Variants in STAG1 observed in about 807,000 individuals in gnomAD.
STAG1 encodes STAG1 cohesin complex component.
A neutral mutation model predicts 170.9 loss-of-function variants in STAG1; 26 were observed. The ratio of observed to expected loss-of-function variants is 0.15; its 90% confidence interval spans 0.11 to 0.21. The LOEUF (loss-of-function observed/expected upper bound fraction) is 0.21. Ranked by LOEUF, STAG1 falls within the 10% of genes least tolerant of loss-of-function variation. The pLI, the probability that STAG1 is intolerant of heterozygous loss-of-function variation, is 1.00. For synonymous variants in STAG1, 514 were observed against 497.7 expected (o/e 1.03, Z -0.44); for missense variants, 964 against 1,509.5 (o/e 0.64, Z 5.99).
chr3:136,478,976 A>G (rs575998081), intron 9 of STAG1, among the ~76,000 whole-genome samples: 1 of 151,982 alleles, frequency 6.6e-6, no homozygotes, highest in African/African-American at 2.4e-5. Flanking sequence ...TATGAGAATA[A>G]AATCACTTAA....
At chr3:136,698,020 G>GA (rs1367794691) in intron 1 of STAG1, among the ~76,000 whole-genome samples, 44 of 144,802 alleles carry the variant, frequency 3.0e-4, no homozygotes, top group Non-Finnish European at 2.7e-4. Flanking sequence ...TACGTCTTGG[G>GA]AAAAAAAAAA....
intron 1 of STAG1, among the ~76,000 whole-genome samples, chr3:136,738,839 T>C (rs998268172): frequency 6.6e-6 from 1 of 152,170 alleles, no homozygotes; most frequent in South Asian, 2.1e-4. Context: ...ATATATTAAT[T>C]AATTAGCATG....
In STAG1 at chr3:136,739,040, A is replaced by C. The variant is rs117976968; in HGVS notation, c.-84+13155T>G. Among the ~76,000 whole-genome samples the C allele has an allele frequency of 1.7e-3, 261 of 152,348 alleles. 2 individuals carry two copies. The East Asian group carries it at 0.043, about 25-fold the overall frequency. ...CAAGATAATTATTACATAATGGAAT[A>C]GGGAAGAAAATCAAATCTCCCTAAA... On this transcript the variant is annotated intron_variant, in intron 1 of 33. Transcript: ENST00000383202.
intron 9 of STAG1, among the ~76,000 whole-genome samples, chr3:136,495,885 C>T (rs1423329060): frequency 3.4e-5 from 5 of 148,378 alleles, no homozygotes; most frequent in East Asian, 2.0e-4. Context: ...AGGAGAATGG[C>T]GTGAACCTGG....
intron 12 of STAG1, among the ~76,000 whole-genome samples, chr3:136,471,500 A>C (rs2089627614): frequency 6.6e-6 from 1 of 152,190 alleles, no homozygotes; most frequent in South Asian, 2.1e-4. Context: ...ACAATAATAA[A>C]GAGCATGGTG....
chr3:136,472,130 C>G (rs1268613166), intron 12 of STAG1, among the ~76,000 whole-genome samples: 1 of 152,110 alleles, frequency 6.6e-6, no homozygotes, highest in Non-Finnish European at 1.5e-5. Context: ...AGCCAACATA[C>G]TGGGCCTGCT....
chr3:136,477,931 A>T (rs2089796461), intron 9 of STAG1, among the ~76,000 whole-genome samples: 1 of 152,156 alleles, frequency 6.6e-6, no homozygotes, highest in African/African-American at 2.4e-5. Flanking sequence ...CTGAGACTAC[A>T]GGTGCAAGCC....
intron 6 of STAG1, among the ~76,000 whole-genome samples, chr3:136,524,161 A>T (rs2107912614): frequency 6.6e-6 from 1 of 152,270 alleles, no homozygotes; most frequent in South Asian, 2.1e-4. Context: ...TGGGGATGGC[A>T]TTCAATCTAT....
At chr3:136,414,286 C>T (rs2087711621) in intron 21 of STAG1, among the ~76,000 whole-genome samples, 1 of 152,234 alleles carries the variant, frequency 6.6e-6, no homozygotes, top group African/African-American at 2.4e-5. Flanking sequence ...AGACAACCCT[C>T]TCCCACCCTT....
intron 12 of STAG1, among the ~76,000 whole-genome samples, chr3:136,469,601 C>G (rs1248007302): frequency 6.6e-6 from 1 of 152,206 alleles, no homozygotes; most frequent in Non-Finnish European, 1.5e-5. Context: ...ATCAAGCTAC[C>G]AATGACTTTC....
intron 1 of STAG1, among the ~76,000 whole-genome samples, chr3:136,661,108 T>C (rs931391057): frequency 4.6e-5 from 7 of 152,298 alleles, no homozygotes; most frequent in East Asian, 1.9e-4. Context: ...CAAACCACCA[T>C]AGCAATGCCT....
intron 1 of STAG1, among the ~76,000 whole-genome samples, chr3:136,687,138 T>C: frequency 6.6e-6 from 1 of 152,214 alleles, no homozygotes. Context: ...CACACTGGTA[T>C]TTTTTCTTTA....
intron 1 of STAG1, among the ~76,000 whole-genome samples, chr3:136,682,048 A>T (rs2107887834): frequency 6.6e-6 from 1 of 152,324 alleles, no homozygotes; most frequent in East Asian, 1.9e-4. Context: ...AAAATGAAAT[A>T]AAAAACATCC....
chr3:136,600,439 A>G (rs1211693542), intron 4 of STAG1, among the ~76,000 whole-genome samples: 1 of 152,120 alleles, frequency 6.6e-6, no homozygotes, highest in Non-Finnish European at 1.5e-5. Context: ...CCTAAACCCA[A>G]TCCTGTTCAT....
chr3:136,599,108 T>C (rs1938560514), intron 4 of STAG1, among the ~76,000 whole-genome samples: 1 of 152,188 alleles, frequency 6.6e-6, no homozygotes, highest in Non-Finnish European at 1.5e-5. Context: ...ATGTAAATCA[T>C]TCTATTATAA....
intron 23 of STAG1, 124 bp downstream of exon 23, chr3:136,377,536 C>T: frequency 2.9e-6 from 2 of 681,118 alleles, no homozygotes; most frequent in Non-Finnish European, 2.5e-6. Flanking sequence ...AGTCTTGTTC[C>T]AGGTCCAGTA....
At chr3:136,545,864 G>GA (rs1299281807) in intron 5 of STAG1, among the ~76,000 whole-genome samples, 2 of 152,130 alleles carry the variant, frequency 1.3e-5, no homozygotes, top group Non-Finnish European at 2.9e-5. Flanking sequence ...AACAGTCCTT[G>GA]TGGGGGAGGA....
At chr3:136,356,919 AT>A (rs1219933509) in intron 28 of STAG1, among the ~76,000 whole-genome samples, 3 of 141,160 alleles carry the variant, frequency 2.1e-5, no homozygotes, top group African/African-American at 2.6e-5. Context: ...TGCCTAGCTA[AT>A]TTTTTTTTAT....
intron 9 of STAG1, among the ~76,000 whole-genome samples, chr3:136,484,290 T>C (rs1233550276): frequency 6.6e-6 from 1 of 151,882 alleles, no homozygotes; most frequent in African/African-American, 2.4e-5. Context: ...TAGTTTTCCT[T>C]CTAACAGACA....
Sources: allele counts gnomAD v4.1 joint callset (sites outside exome capture counted in the v4.1 genomes callset), GRCh38; gene constraint gnomAD v4.1.1; transcripts MANE v1.5; gene names NCBI Gene and HGNC (gene_info 2026-07-23, HGNC 2026-07-21).